Variants in EEFSEC observed in about 807,000 individuals in gnomAD.
The protein encoded by EEFSEC is eukaryotic elongation factor, selenocysteine-tRNA specific, also known as selenocysteine-specific elongation factor.
A neutral mutation model predicts 42.1 loss-of-function variants in EEFSEC; 43 were observed. The ratio of observed to expected loss-of-function variants is 1.02; its 90% confidence interval spans 0.80 to 1.32. The LOEUF (loss-of-function observed/expected upper bound fraction) is 1.32. Among genes scored for constraint, EEFSEC ranks in the 40% most tolerant of loss-of-function variants. EEFSEC has a pLI of 0.00. For missense variants in EEFSEC, 745 were observed against 803.6 expected (o/e 0.93, Z 0.88); for synonymous variants, 354 against 339.1 (o/e 1.04, Z -0.48).
chr3:128,222,723 A>G (rs1246485847), intron 1 of EEFSEC, among the ~76,000 whole-genome samples: 1 of 152,262 alleles, frequency 6.6e-6, no homozygotes, highest in Non-Finnish European at 1.5e-5. Context: ...CAGATTACCA[A>G]AAATGAGATG....
At chr3:128,339,513 G>A (rs1478878592) in intron 4 of EEFSEC, among the ~76,000 whole-genome samples, 1 of 152,224 alleles carries the variant, frequency 6.6e-6, no homozygotes, top group Non-Finnish European at 1.5e-5. Context: ...AGGTAGGAAT[G>A]TTTGTTCATT....
chr3:128,213,343 A>G (rs766739704), intron 1 of EEFSEC, among the ~76,000 whole-genome samples: 1 of 152,238 alleles, frequency 6.6e-6, no homozygotes, highest in Non-Finnish European at 1.5e-5. Context: ...TGTCCTTGGC[A>G]TGTAGTTGGC....
intron 6 of EEFSEC, among the ~76,000 whole-genome samples, chr3:128,361,697 G>A (rs2067527323): frequency 6.6e-6 from 1 of 152,228 alleles, no homozygotes; most frequent in African/African-American, 2.4e-5. Flanking sequence ...AGCCTTCCCA[G>A]AGAGTCTTGG....
At chr3:128,358,796 C>A (rs1307029817) in intron 6 of EEFSEC, among the ~76,000 whole-genome samples, 1 of 152,132 alleles carries the variant, frequency 6.6e-6, no homozygotes, top group African/African-American at 2.4e-5. Flanking sequence ...TGTCACCCTC[C>A]TTTGCCCAGC....
At chr3:128,260,816 C>A (rs2066288789) in intron 2 of EEFSEC, among the ~76,000 whole-genome samples, 1 of 152,186 alleles carries the variant, frequency 6.6e-6, no homozygotes, top group African/African-American at 2.4e-5. Context: ...TTCCAGAGTT[C>A]TGAACAAGTT....
intron 4 of EEFSEC, among the ~76,000 whole-genome samples, chr3:128,299,926 G>A (rs917098796): frequency 1.3e-5 from 2 of 152,228 alleles, no homozygotes; most frequent in Non-Finnish European, 2.9e-5. Context: ...GGTGGTTCCT[G>A]TGTGTCCTGA....
chr3:128,212,509 C>G (rs2065769032), intron 1 of EEFSEC, among the ~76,000 whole-genome samples: 1 of 152,186 alleles, frequency 6.6e-6, no homozygotes, highest in East Asian at 1.9e-4. Context: ...CTGCTGGTAC[C>G]TCTCCCTGAT....
intron 1 of EEFSEC, among the ~76,000 whole-genome samples, chr3:128,193,247 C>T (rs1286617957): frequency 1.3e-5 from 2 of 152,220 alleles, no homozygotes; most frequent in Non-Finnish European, 2.9e-5. Context: ...TGGGCTCAGA[C>T]ACAGGTCCTA....
chr3:128,282,587 A>T (rs2066539341), intron 4 of EEFSEC, among the ~76,000 whole-genome samples: 1 of 152,230 alleles, frequency 6.6e-6, no homozygotes, highest in African/African-American at 2.4e-5. Flanking sequence ...TGTGGCAGGC[A>T]TCTCATCGTG....
intron 6 of EEFSEC, among the ~76,000 whole-genome samples, chr3:128,383,474 A>G (rs1489991259): frequency 2.6e-5 from 4 of 152,166 alleles, no homozygotes; most frequent in Admixed American, 6.5e-5. Flanking sequence ...ACCTGTTCCC[A>G]TGTTTCAGAT....
chr3:128,209,686 A>T (rs190564525), intron 1 of EEFSEC, among the ~76,000 whole-genome samples: 2 of 152,376 alleles, frequency 1.3e-5, no homozygotes, highest in Non-Finnish European at 1.5e-5. Flanking sequence ...AAACACACGT[A>T]TGTACACAAG....
chr3:128,285,820 G>C (rs577640754), intron 4 of EEFSEC, among the ~76,000 whole-genome samples: 4 of 152,102 alleles, frequency 2.6e-5, no homozygotes, highest in African/African-American at 9.7e-5. Flanking sequence ...CCATGTCTAC[G>C]CTGCATTCTT....
At chr3:128,215,233 G>A (rs761340461) in intron 1 of EEFSEC, among the ~76,000 whole-genome samples, 1 of 152,138 alleles carries the variant, frequency 6.6e-6, no homozygotes, top group Non-Finnish European at 1.5e-5. Flanking sequence ...ATGTTAGGGG[G>A]TGAAGCTCCT....
intron 6 of EEFSEC, among the ~76,000 whole-genome samples, chr3:128,377,770 G>C (rs1735536): frequency 0.016 from 2,507 of 152,294 alleles, 31 homozygotes; most frequent in South Asian, 0.033. Context: ...CATTTAAAAA[G>C]TTCTTAAGAG....
chr3:128,265,901 A>C (rs1394456214), intron 4 of EEFSEC, among the ~76,000 whole-genome samples: 1 of 152,202 alleles, frequency 6.6e-6, no homozygotes. Context: ...GTTTTGCTGG[A>C]GAACACCAAC....
At chr3:128,338,255 G>T (rs1232127604) in intron 4 of EEFSEC, among the ~76,000 whole-genome samples, 1 of 152,218 alleles carries the variant, frequency 6.6e-6, no homozygotes, top group South Asian at 2.1e-4. Flanking sequence ...AAAAGAAAGG[G>T]AATGCTGTGC....
At chr3:128,210,154 A>G (rs1036208816) in intron 1 of EEFSEC, among the ~76,000 whole-genome samples, 2 of 152,234 alleles carry the variant, frequency 1.3e-5, no homozygotes, top group South Asian at 2.1e-4. Context: ...GGCTATGCCC[A>G]TAGAATGGTA....
chr3:128,284,259 C>T lies in EEFSEC; in HGVS notation c.786+19478C>T, dbSNP rs1395267321. On this transcript the variant is annotated intron_variant, in intron 4 of 6. Transcript: ENST00000254730. ...TTCTAAAACGTATTTCATACTCCCG[C>T]CTTTCCTTGAACTACACAATTCTTC... Among the ~76,000 whole-genome samples the T allele has an allele frequency of 4.6e-5, 7 of 152,296 alleles. No homozygotes were observed. The South Asian group carries it at 1.2e-3, about 27-fold the overall frequency.
At chr3:128,416,770 A>G in the EEFSEC span, among the ~76,000 whole-genome samples, 1 of 152,224 alleles carries the variant, frequency 6.6e-6, no homozygotes, top group East Asian at 1.9e-4. Context: ...CACGAAGGGA[A>G]TGAGGTCCAC....
Sources: gnomAD v4.1 joint callset for allele counts (sites outside exome capture counted in the v4.1 genomes callset) on GRCh38, gnomAD v4.1.1 for gene constraint, MANE v1.5 for transcripts, NCBI Gene and HGNC (gene_info 2026-07-23, HGNC 2026-07-21) for gene names.